PLCG2: variants seen among roughly 807,000 people sequenced by gnomAD.
PLCG2 encodes 1-phosphatidylinositol 4,5-bisphosphate phosphodiesterase gamma-2.
PLCG2 carries 69 observed loss-of-function variants against 175.6 expected under a neutral mutation model. The observed-to-expected ratio is 0.39, with a 90% CI of 0.32 to 0.48. The LOEUF is 0.48. Among genes scored for constraint, PLCG2 ranks in the 20% least tolerant of loss-of-function variants. PLCG2 has a pLI of 0.91. For synonymous variants in PLCG2, 827 were observed against 624.0 expected (o/e 1.33, Z -4.85); for missense variants, 1,798 against 1,650.9 (o/e 1.09, Z -1.54).
chr16:81,874,787 C>T lies in PLCG2; in HGVS notation c.648+3852C>T, dbSNP rs73594867. Among the ~76,000 whole-genome samples the T allele has an allele frequency of 6.2e-3, 947 of 152,146 alleles. 10 individuals carry two copies. The highest frequency in any genetic ancestry group is 0.019 in the African/African-American group (800 of 41,500). ...TCCACCTCTCGAGCTTCAGAGTTTC[C>T]AAAAGTTTGGCAGCAGCAGGAGGAT... On this transcript the variant is annotated intron_variant, in intron 7 of 32. Transcript: ENST00000564138.
chr16:81,929,369 A>G lies in PLCG2; in HGVS notation c.2581+745A>G, dbSNP rs188209014. Among the ~76,000 whole-genome samples, 3 of 152,158 alleles carry G rather than the reference A, an allele frequency of 2.0e-5. No homozygotes were observed. In the East Asian group the frequency reaches 5.8e-4, roughly 29 times the overall value. ...CCAGGAACTTCCTGCTTCTATTGCC[A>G]ATGCTCTGCTTTACACATTCATTCA... On this transcript the variant is annotated intron_variant, in intron 24 of 32. Transcript: ENST00000564138.
chr16:81,882,251 C>T (rs1294217603), intron 8 of PLCG2, among the ~76,000 whole-genome samples: 1 of 152,186 alleles, frequency 6.6e-6, no homozygotes, highest in African/African-American at 2.4e-5. Flanking sequence ...CCCTGTTTTT[C>T]TGGTGGCCTG....
At chr16:81,807,310 TG>T (rs1904285703) in intron 2 of PLCG2, among the ~76,000 whole-genome samples, 1 of 152,112 alleles carries the variant, frequency 6.6e-6, no homozygotes, top group African/African-American at 2.4e-5. Flanking sequence ...CTTGAGGGAT[TG>T]GGGCAGTGTG....
At chr16:81,762,438 A>G (rs1172688357) in intron 2 of PLCG2, among the ~76,000 whole-genome samples, 1 of 151,940 alleles carries the variant, frequency 6.6e-6, no homozygotes, top group Non-Finnish European at 1.5e-5. Context: ...GTGTGATGGC[A>G]TGCTCCTATA....
intron 6 of PLCG2, 25 bp downstream of exon 6, chr16:81,869,323 A>G (rs910069236): frequency 1.3e-6 from 2 of 1,507,624 alleles, no homozygotes; most frequent in Non-Finnish European, 1.8e-6. Context: ...TCAGCCTGGG[A>G]ATTTTATGAA....
intron 13 of PLCG2, among the ~76,000 whole-genome samples, chr16:81,899,794 C>T (rs1221912205): frequency 1.3e-5 from 2 of 152,196 alleles, no homozygotes; most frequent in Non-Finnish European, 2.9e-5. Flanking sequence ...GTGATGCTGG[C>T]TGTGAGCCCA....
At chr16:81,937,333 C>T (rs3936112) in intron 27 of PLCG2, 45,235 of 152,830 alleles carry the variant, frequency 0.3, 7,655 homozygotes, top group Non-Finnish European at 0.38. Context: ...GTTTTTCCCT[C>T]ATTTAGGGAG....
upstream of PLCG2, among the ~76,000 whole-genome samples, chr16:81,775,815 C>G (rs1438629548): frequency 6.6e-6 from 1 of 152,138 alleles, no homozygotes; most frequent in East Asian, 1.9e-4. Context: ...AAAGATCCCT[C>G]TACCCTTTGA....
intron 2 of PLCG2, among the ~76,000 whole-genome samples, chr16:81,792,792 G>T (rs1036666901): frequency 6.6e-6 from 1 of 152,104 alleles, no homozygotes; most frequent in Admixed American, 6.6e-5. Flanking sequence ...CTCCCACTGG[G>T]TCCCTCCTAT....
chr16:81,846,692 C>G (rs374895967), intron 2 of PLCG2, among the ~76,000 whole-genome samples: 2 of 152,172 alleles, frequency 1.3e-5, no homozygotes, highest in African/African-American at 4.8e-5. Context: ...TTCAAGATAT[C>G]AGTTCTTCCT....
At chr16:81,772,981 C>T (rs1910316284) in intron 2 of PLCG2, among the ~76,000 whole-genome samples, 1 of 152,154 alleles carries the variant, frequency 6.6e-6, no homozygotes, top group East Asian at 1.9e-4. Context: ...TCCCCTTGCC[C>T]CTGCCGACAG....
At chr16:81,813,765 C>T (rs1436695418) in intron 2 of PLCG2, among the ~76,000 whole-genome samples, 1 of 96,238 alleles carries the variant, frequency 1.0e-5, no homozygotes, top group Non-Finnish European at 2.7e-5. Flanking sequence ...TGTGCAGCGT[C>T]TCTCCCTGTT....
chr16:81,921,229 G>C lies in PLCG2; in HGVS notation c.2267G>C (p.Ser756Thr). Residue 756 changes from serine (S) to threonine (T), a missense_variant, in exon 21 of 33, where the codon AGC (serine) becomes ACC (threonine). Transcript: ENST00000564138. ...GATATAAACTCCCTCTACGACGTCA[G>C]CAGAATGTATGTGGATCCCAGTGAA... is the stretch of plus-strand genomic sequence containing the variant. ...ERDINSLYDVSRMYVDPSEIN... is the reference protein window; with the variant it reads ...ERDINSLYDVTRMYVDPSEIN... The C allele has an allele frequency of 6.2e-7, 1 of 1,607,474 alleles. No homozygotes were observed. Among genetic ancestry groups the C allele is most frequent in the East Asian group, 2.2e-5 (1 of 44,826 alleles).
At chr16:81,755,255 G>A (rs920516956) in intron 1 of PLCG2, among the ~76,000 whole-genome samples, 1 of 151,962 alleles carries the variant, frequency 6.6e-6, no homozygotes, top group African/African-American at 2.4e-5. Flanking sequence ...GGAGTACGGT[G>A]CCGTCATCGT....
intron 2 of PLCG2, among the ~76,000 whole-genome samples, chr16:81,764,471 C>T (rs1239980330): frequency 1.3e-5 from 2 of 152,088 alleles, no homozygotes; most frequent in South Asian, 2.1e-4. Context: ...TGCAATTGCC[C>T]ACAGCTGGCA....
intron 1 of PLCG2, among the ~76,000 whole-genome samples, chr16:81,748,118 G>A (rs976222482): frequency 4.6e-5 from 7 of 152,146 alleles, no homozygotes; most frequent in Non-Finnish European, 7.4e-5. Flanking sequence ...CAGATGATCC[G>A]CCCACCTCGA....
intron 5 of PLCG2, among the ~76,000 whole-genome samples, chr16:81,860,172 ATTTT>A (rs1555513300): frequency 1.9e-4 from 23 of 120,610 alleles, no homozygotes; most frequent in African/African-American, 1.5e-4. Context: ...TATTATTATT[ATTTT>A]TTTTTTTTTT....
intron 2 of PLCG2, among the ~76,000 whole-genome samples, chr16:81,805,771 TTTTTTTTTTTTG>T (rs1189714098): frequency 1.5e-4 from 13 of 87,876 alleles, no homozygotes; most frequent in African/African-American, 4.5e-4. Flanking sequence ...TGTTTTGTTT[TTTTTTTTTTTTG>T]TTTTTTTTTT....
rs13339067 is a variant in PLCG2, at chr16:81,832,743, A to G, written c.194-21701A>G. Reference sequence around the variant, plus strand: ...TAATTACACTTCTGTGAGTGGTATGATATCCAGTTGACTGCGTGAGGATCA... The same window carrying G: ...TAATTACACTTCTGTGAGTGGTATGGTATCCAGTTGACTGCGTGAGGATCA... On this transcript the variant is annotated intron_variant, in intron 2 of 32. Coordinates refer to ENST00000564138, the MANE Select transcript of PLCG2 (RefSeq NM_002661.5). 7.6e-3 allele frequency among the ~76,000 whole-genome samples: 1,164 copies of G among 152,350 alleles called. 9 individuals carry two copies. Among genetic ancestry groups the G allele is most frequent in the African/African-American group, 0.026 (1,096 of 41,574 alleles).
Sources: allele counts gnomAD v4.1 joint callset (sites outside exome capture counted in the v4.1 genomes callset), GRCh38; gene constraint gnomAD v4.1.1; transcripts MANE v1.5; gene names NCBI Gene and HGNC (gene_info 2026-07-23, HGNC 2026-07-21).